BICRAL: variants seen among roughly 807,000 people sequenced by gnomAD.
BICRAL encodes BICRA like chromatin remodeling complex associated protein, also known as BRD4-interacting chromatin-remodeling complex-associated protein-like.
A neutral mutation model predicts 91.8 loss-of-function variants in BICRAL; 8 were observed. That is an observed-to-expected ratio of 0.09 (90% CI 0.05 to 0.16). BICRAL has a LOEUF of 0.16. Among genes scored for constraint, BICRAL ranks in the 10% least tolerant of loss-of-function variants. BICRAL has a pLI of 1.00. For synonymous variants in BICRAL, 445 were observed against 491.1 expected, an observed-to-expected ratio of 0.91 and a Z score of 1.24; for missense variants, 1,038 against 1,310.9, an observed-to-expected ratio of 0.79 and a Z score of 3.21.
intron 10 of BICRAL, among the ~76,000 whole-genome samples, chr6:42,858,298 C>T (rs1765447637): frequency 6.7e-6 from 1 of 148,328 alleles, no homozygotes. Context: ...GGCCGATCAC[C>T]TGAGGTCAGG....
At chr6:42,763,549 G>A (rs1188256802) in intron 1 of BICRAL, among the ~76,000 whole-genome samples, 3 of 152,094 alleles carry the variant, frequency 2.0e-5, no homozygotes, top group Admixed American at 6.6e-5. Context: ...AGCTGGGTGC[G>A]GTGGCTCACA....
In BICRAL at chr6:42,822,038, G is replaced by C; in HGVS notation, c.16G>C (p.Asp6His). ...TATAGTTGTCATGGATGATGATGAT[G>C]ACTCGTGTCTCCTTGATCTTATTGG... The part of the protein sequence containing the change: MDDDD[D>H]SCLLDLIGDP... Residue 6 changes from aspartate to histidine, a missense_variant, in exon 3 of 13, where the codon GAC becomes CAC. By Grantham distance (81) the Asp-to-His change is moderately conservative. Around this residue, in one of 5 missense-constraint regions of BICRAL, gnomAD observed 115 missense variants for 121.5 expected, o/e 0.95. Transcript: ENST00000314073. 1 of 1,608,016 alleles carries C rather than the reference G, an allele frequency of 6.2e-7. No homozygotes were observed. The highest frequency in any genetic ancestry group is 8.5e-7 in the Non-Finnish European group (1 of 1,174,926).
At chr6:42,759,556 T>C (rs1209414448) in intron 1 of BICRAL, among the ~76,000 whole-genome samples, 1 of 152,166 alleles carries the variant, frequency 6.6e-6, no homozygotes, top group Non-Finnish European at 1.5e-5. Flanking sequence ...GCAAGAGTTG[T>C]AGAAGTTCCA....
At chr6:42,853,015 T>C (rs1266242472) in intron 7 of BICRAL, among the ~76,000 whole-genome samples, 2 of 146,512 alleles carry the variant, frequency 1.4e-5, no homozygotes, top group Non-Finnish European at 3.0e-5. Context: ...CAGTGAGCTA[T>C]GATTGCGCCA....
intron 2 of BICRAL, among the ~76,000 whole-genome samples, chr6:42,813,810 C>T (rs756582000): frequency 6.6e-6 from 1 of 151,938 alleles, no homozygotes; most frequent in African/African-American, 2.4e-5. Context: ...CGTGAGCCAC[C>T]GTGCCCATCT....
chr6:42,807,103 T>C (rs1394058066), intron 1 of BICRAL, among the ~76,000 whole-genome samples: 1 of 151,780 alleles, frequency 6.6e-6, no homozygotes, highest in African/African-American at 2.4e-5. Context: ...AGTGCTGGGC[T>C]TACAGGCGTG....
At chr6:42,812,972 C>A (rs1763882353) in intron 2 of BICRAL, among the ~76,000 whole-genome samples, 2 of 152,298 alleles carry the variant, frequency 1.3e-5, no homozygotes, top group South Asian at 4.1e-4. Flanking sequence ...GAGGTCGAGG[C>A]TGCAATCCGC....
intron 2 of BICRAL, among the ~76,000 whole-genome samples, chr6:42,819,161 A>G (rs145777846): frequency 0.015 from 2,297 of 152,338 alleles, 25 homozygotes; most frequent in South Asian, 0.032. Context: ...TGAATGTGAA[A>G]AGAGCCTCAA....
chr6:42,766,906 G>A (rs1018611029), intron 1 of BICRAL, among the ~76,000 whole-genome samples: 4 of 152,148 alleles, frequency 2.6e-5, no homozygotes, highest in Admixed American at 6.5e-5. Flanking sequence ...CGGGCGTGGT[G>A]GCAGGCGTCT....
chr6:42,783,702 C>G (rs1011279846), intron 1 of BICRAL, among the ~76,000 whole-genome samples: 2 of 152,222 alleles, frequency 1.3e-5, no homozygotes, highest in Non-Finnish European at 1.5e-5. Flanking sequence ...GCGGGAAGGG[C>G]TGGGGCCAGC....
intron 12 of BICRAL, among the ~76,000 whole-genome samples, chr6:42,864,096 G>A (rs559409270): frequency 7.2e-5 from 11 of 152,022 alleles, no homozygotes; most frequent in Admixed American, 1.3e-4. Flanking sequence ...GAACCGAGGA[G>A]GCAGAGGTTG....
intron 12 of BICRAL, among the ~76,000 whole-genome samples, chr6:42,863,049 C>CTTTT (rs34653827): frequency 7.7e-6 from 1 of 130,694 alleles, no homozygotes; most frequent in African/African-American, 2.8e-5. Context: ...ATGGACATTT[C>CTTTT]TTTTTTTTTT....
At chr6:42,771,877 TTAAAG>T (rs145493378) in intron 1 of BICRAL, among the ~76,000 whole-genome samples, 2,129 of 152,248 alleles carry the variant, frequency 0.014, 53 homozygotes, top group African/African-American at 0.049. Flanking sequence ...GCAAAAGCAA[TTAAAG>T]TATTTATTCT....
Position 42,754,397 on chromosome 6 carries a change from C to T in BICRAL, c.-261+7374C>T, listed in dbSNP as rs144237981. On this transcript the variant is annotated intron_variant, in intron 1 of 14. Coordinates refer to the BICRAL transcript ENST00000614467. Reference sequence around the variant, plus strand: ...CTGTGTTAGTCAGGATGGTCTGGATCTCCTGACCTTGTGATCCGCCCATCT... The same window carrying T: ...CTGTGTTAGTCAGGATGGTCTGGATTTCCTGACCTTGTGATCCGCCCATCT... 1.4e-3 allele frequency among the ~76,000 whole-genome samples: 214 copies of T among 152,050 alleles called. 1 individual carries two copies. The highest frequency in any genetic ancestry group is 4.8e-3 in the African/African-American group (200 of 41,474).
rs147647965 is a variant in BICRAL, at chr6:42,755,071, G to A, written c.-261+8048G>A. Among the ~76,000 whole-genome samples the A allele has an allele frequency of 2.4e-3, 370 of 152,304 alleles. 3 individuals are homozygous for A. The highest frequency in any genetic ancestry group is 8.6e-3 in the African/African-American group (357 of 41,564). On this transcript the variant is annotated intron_variant, in intron 1 of 14. Coordinates refer to the BICRAL transcript ENST00000614467. ...CGTCCTCTATAAAGCAGACAGTGAG[G>A]TCTCATGCTGAGTATGAGGAGAAAA... is the stretch of plus-strand genomic sequence containing the variant.
At chr6:42,753,716 A>T (rs1242034717) in intron 1 of BICRAL, among the ~76,000 whole-genome samples, 1 of 152,020 alleles carries the variant, frequency 6.6e-6, no homozygotes, top group Non-Finnish European at 1.5e-5. Context: ...GGTTCAAGTG[A>T]TTCTCCTTCC....
At chr6:42,824,146 G>A (rs563956753) in intron 5 of BICRAL, among the ~76,000 whole-genome samples, 5 of 151,696 alleles carry the variant, frequency 3.3e-5, no homozygotes, top group African/African-American at 1.2e-4. Context: ...CAGGAGAATC[G>A]CTTGAACCAG....
Position 42,757,488 on chromosome 6 carries a change from G to A in BICRAL, c.-261+10465G>A, listed in dbSNP as rs968939571. Among the ~76,000 whole-genome samples, 6 of 152,130 alleles carry A rather than the reference G, an allele frequency of 3.9e-5. No individual in the cohort carries two copies. In the South Asian group the frequency reaches 6.2e-4, roughly 16 times the overall value. On this transcript the variant is annotated intron_variant, in intron 1 of 14. Coordinates refer to the BICRAL transcript ENST00000614467. ...AGGATGGTCTCGATCTCCTGACTTC[G>A]TGATCCACCTGCCTCGGCCTCCCAT... is the stretch of plus-strand genomic sequence containing the variant.
chr6:42,846,551 C>G (rs1765017602), intron 6 of BICRAL, among the ~76,000 whole-genome samples: 1 of 152,130 alleles, frequency 6.6e-6, no homozygotes, highest in South Asian at 2.1e-4. Flanking sequence ...ATCCCTTACC[C>G]CAGCTTCAAA....
Sources: allele counts gnomAD v4.1 joint callset (sites outside exome capture counted in the v4.1 genomes callset), GRCh38; gene constraint gnomAD v4.1.1; regional missense constraint gnomAD v4.1.1; transcripts MANE v1.5; gene names NCBI Gene and HGNC (gene_info 2026-07-23, HGNC 2026-07-21).